Variants in TMOD2 observed in about 807,000 individuals in gnomAD.
TMOD2 encodes the protein tropomodulin-2.
TMOD2 carries 22 observed loss-of-function variants against 39.9 expected under a neutral mutation model. That is an observed-to-expected ratio of 0.55 (90% CI 0.39 to 0.79). The LOEUF is 0.79. TMOD2 is among the 30% of genes least tolerant of loss of function. The pLI, the probability that TMOD2 is intolerant of heterozygous loss-of-function variation, is 0.00. For missense variants in TMOD2, 386 were observed against 413.3 expected (o/e 0.93, Z 0.57); for synonymous variants, 123 against 146.1 (o/e 0.84, Z 1.14).
At chr15:51,778,517 AAAAG>A (rs1219819309) in intron 5 of TMOD2, among the ~76,000 whole-genome samples, 5 of 150,608 alleles carry the variant, frequency 3.3e-5, no homozygotes, top group South Asian at 4.2e-4. Context: ...TAAAAAAAAA[AAAAG>A]AAAGAAAGAA....
chr15:51,801,091 T>A (rs922666097), intron 8 of TMOD2, among the ~76,000 whole-genome samples: 1 of 152,226 alleles, frequency 6.6e-6, no homozygotes, highest in African/African-American at 2.4e-5. Flanking sequence ...GTAATCCCAA[T>A]GCATTGCAAG....
At chr15:51,769,578 G>C (rs1340386009) in intron 3 of TMOD2, among the ~76,000 whole-genome samples, 1 of 152,160 alleles carries the variant, frequency 6.6e-6, no homozygotes, top group East Asian at 1.9e-4. Context: ...CCAAGAATAG[G>C]AAACCCTCCT....
intron 7 of TMOD2, among the ~76,000 whole-genome samples, chr15:51,794,916 A>G (rs978711806): frequency 6.6e-6 from 1 of 152,134 alleles, no homozygotes; most frequent in African/African-American, 2.4e-5. Flanking sequence ...GTGTTTGTAT[A>G]TAGATTGATT....
intron 7 of TMOD2, among the ~76,000 whole-genome samples, chr15:51,790,825 C>T (rs1042769788): frequency 6.6e-6 from 1 of 152,178 alleles, no homozygotes; most frequent in Non-Finnish European, 1.5e-5. Flanking sequence ...TAAAAACTCT[C>T]AATCAACTAG....
rs144415328 is a variant in TMOD2 at position 51,792,265 on chromosome 15, C to T, written c.733-5932C>T. Among the ~76,000 whole-genome samples, 1,032 of 152,262 alleles carry T rather than the reference C, an allele frequency of 6.8e-3. 23 individuals are homozygous for T. In the East Asian group the frequency reaches 0.074, roughly 11 times the overall value. ...CAGCCAACAGACATATGAAAAAATGCTCATCATCACTGGTCATCAGAGAAA... is the reference window on the plus strand; with the variant it reads ...CAGCCAACAGACATATGAAAAAATGTTCATCATCACTGGTCATCAGAGAAA... On this transcript the variant is annotated intron_variant, in intron 7 of 9. Transcript: ENST00000249700.
intron 3 of TMOD2, among the ~76,000 whole-genome samples, chr15:51,768,955 T>C (rs980219499): frequency 2.0e-5 from 3 of 152,202 alleles, no homozygotes; most frequent in African/African-American, 7.2e-5. Flanking sequence ...GCCAAACCCA[T>C]AAGATGTGTA....
intron 4 of TMOD2, among the ~76,000 whole-genome samples, chr15:51,775,328 G>A (rs2055879284): frequency 1.3e-5 from 2 of 152,146 alleles, no homozygotes; most frequent in Admixed American, 6.5e-5. Flanking sequence ...GATCTTATCA[G>A]TATATATAGA....
intron 1 of TMOD2, among the ~76,000 whole-genome samples, chr15:51,766,079 C>T (rs1265346905): frequency 2.0e-5 from 3 of 152,208 alleles, no homozygotes; most frequent in Non-Finnish European, 4.4e-5. Context: ...AGCTCTGTGA[C>T]CTCGAGCAAG....
At chr15:51,752,842 G>T (rs955097640) in intron 1 of TMOD2, 2 of 152,124 alleles carry the variant, frequency 1.3e-5, no homozygotes, top group Admixed American at 6.5e-5. Flanking sequence ...TGATTTTCTC[G>T]ATCGACTCTC....
At chr15:51,770,351 G>A (rs150632225) in intron 3 of TMOD2, among the ~76,000 whole-genome samples, 48 of 152,250 alleles carry the variant, frequency 3.2e-4, no homozygotes, top group African/African-American at 1.1e-3. Context: ...GCTGCTTATT[G>A]CTTTCACAGC....
chr15:51,763,341 A>T (rs117578259), intron 1 of TMOD2, among the ~76,000 whole-genome samples: 3 of 152,234 alleles, frequency 2.0e-5, no homozygotes, highest in Non-Finnish European at 2.9e-5. Context: ...AAAATCATAT[A>T]TCTCTCCTGT....
intron 8 of TMOD2, among the ~76,000 whole-genome samples, chr15:51,804,443 C>G (rs1381162389): frequency 6.6e-6 from 1 of 152,078 alleles, no homozygotes; most frequent in African/African-American, 2.4e-5. Flanking sequence ...GTTTAGAACA[C>G]TACATACTGC....
chr15:51,766,517 GAAGAGGAAC>G lies in TMOD2; in HGVS notation c.77_85del (p.Glu26_Leu29delinsVal). 1 of 1,614,136 alleles carries G rather than the reference GAAGAGGAAC, an allele frequency of 6.2e-7. No individual in the cohort carries two copies. Among genetic ancestry groups the G allele is most frequent in the South Asian group, 1.1e-5 (1 of 91,088 alleles). On this transcript the variant is annotated inframe_deletion, in exon 2 of 10. Coordinates refer to ENST00000249700, the MANE Select transcript of TMOD2 (RefSeq NM_014548.4). ...AGATGAGCTTCTTGGCAAACTCTCA[GAAGAGGAAC>G]TGAAACAGTTGGAAAATGTTCTAGA... is the stretch of plus-strand genomic sequence containing the variant.
At chr15:51,802,351 G>A (rs1349514037) in intron 8 of TMOD2, among the ~76,000 whole-genome samples, 1 of 152,106 alleles carries the variant, frequency 6.6e-6, no homozygotes, top group Non-Finnish European at 1.5e-5. Flanking sequence ...TGTCATCCAA[G>A]GTTCATTACA....
intron 1 of TMOD2, chr15:51,756,497 C>T (rs1356707580): frequency 6.6e-6 from 1 of 152,226 alleles, no homozygotes; most frequent in African/African-American, 2.4e-5. Context: ...GCATGTTTTA[C>T]TGAGGAAGGA....
chr15:51,802,014 C>T (rs1218579397), intron 8 of TMOD2, among the ~76,000 whole-genome samples: 3 of 151,376 alleles, frequency 2.0e-5, no homozygotes, highest in South Asian at 4.2e-4. Flanking sequence ...TATATAAAGA[C>T]TGTATATCCA....
chr15:51,775,094 G>A (rs1368494355), intron 4 of TMOD2, among the ~76,000 whole-genome samples: 3 of 152,190 alleles, frequency 2.0e-5, no homozygotes, highest in African/African-American at 4.8e-5. Context: ...ATTGAAGGCA[G>A]CCCCATGGGC....
At chr15:51,803,328 A>G (rs536599470) in intron 8 of TMOD2, among the ~76,000 whole-genome samples, 1 of 152,086 alleles carries the variant, frequency 6.6e-6, no homozygotes, top group South Asian at 2.1e-4. Flanking sequence ...TTACAGGCGC[A>G]TGCCACCATC....
At position 51,813,313 on chromosome 15, in the gene TMOD2, T is replaced by C. The variant is rs909267181; in HGVS notation, c.*4859T>C. On this transcript the variant is annotated 3_prime_UTR_variant, in exon 10 of 10. Transcript: ENST00000249700. ...GAGTTGCAAGTTTAAATTTGTAACC[T>C]GACTCTGGGTTCTGTTCTAGGAATA... The C allele has an allele frequency of 6.6e-6, 1 of 152,264 alleles. No individual in the cohort carries two copies. Among genetic ancestry groups the C allele is most frequent in the Non-Finnish European group, 1.5e-5 (1 of 68,066 alleles). The allele number at this position is 152,264 out of a possible 1,614,324, so 9.4% of individuals were successfully genotyped here.
Sources: allele counts gnomAD v4.1 joint callset (sites outside exome capture counted in the v4.1 genomes callset), GRCh38; gene constraint gnomAD v4.1.1; transcripts MANE v1.5; gene names NCBI Gene and HGNC (gene_info 2026-07-23, HGNC 2026-07-21).